The following RAD54L2 variants were observed in gnomAD, a reference collection of about 807,000 sequenced individuals.
The protein encoded by RAD54L2 is helicase ARIP4.
In RAD54L2, 27 loss-of-function variants were observed where a neutral mutation model predicts 138.4. The observed-to-expected ratio is 0.20, with a 90% CI of 0.14 to 0.27. The LOEUF is 0.27. Ranked by LOEUF, RAD54L2 falls within the 10% of genes least tolerant of loss-of-function variation. RAD54L2 has a pLI of 1.00. For synonymous variants in RAD54L2, 644 were observed against 723.2 expected (o/e 0.89, Z 1.76); for missense variants, 1,396 against 1,890.2 (o/e 0.74, Z 4.85).
At chr3:51,659,957 C>A in intron 21 of RAD54L2, 69 bp from the exon 22 acceptor site, 1 of 1,217,692 alleles carries the variant, frequency 8.2e-7, no homozygotes, top group Non-Finnish European at 1.2e-6. Context: ...CGGCGCACAG[C>A]CTGGAGTTTC....
intron 3 of RAD54L2, among the ~76,000 whole-genome samples, chr3:51,592,911 A>G (rs1042390208): frequency 1.3e-5 from 2 of 152,090 alleles, no homozygotes; most frequent in African/African-American, 2.4e-5. Flanking sequence ...CACTCTATGC[A>G]GTTTTCCTGA....
intron 3 of RAD54L2, among the ~76,000 whole-genome samples, chr3:51,626,436 C>CGTTTTTTTTTTTTTTT (rs1700686522): frequency 2.5e-5 from 1 of 39,392 alleles, no homozygotes; most frequent in African/African-American, 1.1e-4. Context: ...CCCCAACGAT[C>CGTTTTTTTTTTTTTTT]TTTTTTTTTT....
At chr3:51,581,849 G>T (rs1261542492) in intron 2 of RAD54L2, among the ~76,000 whole-genome samples, 3 of 152,082 alleles carry the variant, frequency 2.0e-5, no homozygotes, top group Non-Finnish European at 4.4e-5. Flanking sequence ...GCTGACTTAG[G>T]CTTAGGGAAG....
chr3:51,662,342 G>T lies in RAD54L2; in HGVS notation c.3410-84G>T. On this transcript the variant is annotated intron_variant, in intron 22 of 22. Transcript: ENST00000684192. The surrounding 1 kb of genome is among the most constrained non-coding windows in gnomAD (Gnocchi z 4.6). The stretch of plus-strand genomic sequence containing the variant: ...TAGAATTTTGGGGACTACAGGACAG[G>T]ATTTTTTTTAATGGAGTTTTCTCCT... The T allele has an allele frequency of 1.5e-6, 2 of 1,328,518 alleles. No individual in the cohort carries two copies. Among genetic ancestry groups the T allele is most frequent in the Non-Finnish European group, 2.0e-6 (2 of 988,406 alleles). The allele number at this position is 1,328,518 out of a possible 1,614,324, so 82.3% of individuals were successfully genotyped here.
intron 3 of RAD54L2, among the ~76,000 whole-genome samples, chr3:51,607,706 C>G (rs1700221775): frequency 6.6e-6 from 1 of 151,208 alleles, no homozygotes; most frequent in Non-Finnish European, 1.5e-5. Context: ...CCCCCACCTC[C>G]CAGACGGGGC....
chr3:51,593,495 G>T (rs1488820730), intron 3 of RAD54L2, among the ~76,000 whole-genome samples: 1 of 152,048 alleles, frequency 6.6e-6, no homozygotes, highest in Non-Finnish European at 1.5e-5. Context: ...ACCATGCGTG[G>T]CTAATTTTTT....
Position 51,645,871 on chromosome 3 carries a change from C to A in RAD54L2, c.2829+108C>A. 1 of 1,225,122 alleles carries A rather than the reference C, an allele frequency of 8.2e-7. No homozygotes were observed. The highest frequency in any genetic ancestry group is 1.1e-6 in the Non-Finnish European group (1 of 895,208). 75.9% of individuals were successfully genotyped at this position (1,225,122 alleles called of 1,614,324 possible). A position where few individuals can be genotyped will look rare whatever the true frequency, so the allele number is the denominator to read the frequency against. ...CTGAGGTGATGTTTCATGCAGGTGA[C>A]TTGGACTCAAGGACTTCTTTTTCTT... is the stretch of plus-strand genomic sequence containing the variant. On this transcript the variant is annotated intron_variant, in intron 18 of 22. Transcript: ENST00000684192. The surrounding 1 kb of genome is among the most constrained non-coding windows in gnomAD (Gnocchi z 6.1).
At chr3:51,656,823 A>G (rs1048698009) in intron 20 of RAD54L2, among the ~76,000 whole-genome samples, 7 of 151,080 alleles carry the variant, frequency 4.6e-5, no homozygotes, top group Non-Finnish European at 7.4e-5. Context: ...GGCTCGCTGC[A>G]CTCCTGGGCT....
At chr3:51,587,245 C>T (rs568290717) in intron 2 of RAD54L2, among the ~76,000 whole-genome samples, 11 of 152,036 alleles carry the variant, frequency 7.2e-5, no homozygotes, top group Admixed American at 3.9e-4. Context: ...GGACTACAGG[C>T]GCCCGCCACC....
In RAD54L2 at chr3:51,662,875, G is replaced by A. The variant is rs1470052172; in HGVS notation, c.3859G>A (p.Gly1287Arg). The change falls in exon 23 of 23, where the codon GGG becomes AGG. Residue 1287 changes from glycine to arginine, a missense_variant. This residue lies in a region of RAD54L2 where 634 missense variants were observed against 711.2 expected (regional missense o/e 0.89). Coordinates refer to ENST00000684192, the MANE Select transcript of RAD54L2 (RefSeq NM_015106.4). The surrounding 1 kb of genome is among the most constrained non-coding windows in gnomAD (Gnocchi z 4.6). ...AGCCCCCGTGCAGCCGTATGAACAC[G>A]GGTATCCAGTCTCTGGCGGGTTTGC... ...LPAPVQPYEHGYPVSGGFAMP... is the reference protein window; with the variant it reads ...LPAPVQPYEHRYPVSGGFAMP... The A allele has an allele frequency of 6.2e-7, 1 of 1,613,758 alleles. No individual in the cohort carries two copies. The highest frequency in any genetic ancestry group is 8.5e-7 in the Non-Finnish European group (1 of 1,179,860).
At chr3:51,625,311 G>A (rs549370074) in intron 3 of RAD54L2, among the ~76,000 whole-genome samples, 8 of 152,148 alleles carry the variant, frequency 5.3e-5, no homozygotes, top group African/African-American at 1.4e-4. Flanking sequence ...CCAGCTACTC[G>A]GGAGGCTGAG....
At chr3:51,547,987 G>A (rs9846343) in intron 2 of RAD54L2, among the ~76,000 whole-genome samples, 1,629 of 151,940 alleles carry the variant, frequency 0.011, 41 homozygotes, top group African/African-American at 0.036. Context: ...TGCCTCCTGC[G>A]TTCAAGCGAT....
At chr3:51,539,610 G>A (rs1423422429) in intron 1 of RAD54L2, among the ~76,000 whole-genome samples, 3 of 152,110 alleles carry the variant, frequency 2.0e-5, no homozygotes. Flanking sequence ...GGGTGAGGCC[G>A]GTGGGAGTTG....
intron 19 of RAD54L2, among the ~76,000 whole-genome samples, chr3:51,655,208 T>C (rs535247159): frequency 8.7e-6 from 1 of 114,572 alleles, no homozygotes; most frequent in Admixed American, 8.6e-5. Context: ...GTCTTAAGGG[T>C]TTTTTTTTTT....
chr3:51,557,601 G>A (rs549399971), intron 2 of RAD54L2, among the ~76,000 whole-genome samples: 123 of 151,792 alleles, frequency 8.1e-4, no homozygotes, highest in Non-Finnish European at 1.6e-3. Flanking sequence ...GGAGGCTGAG[G>A]TGGGTGGATC....
intron 2 of RAD54L2, among the ~76,000 whole-genome samples, chr3:51,576,231 C>T (rs1327933015): frequency 6.6e-6 from 1 of 152,164 alleles, no homozygotes; most frequent in Non-Finnish European, 1.5e-5. Flanking sequence ...TTTTGATGTG[C>T]TGCTGGATTC....
chr3:51,625,234 C>G (rs933418019), intron 3 of RAD54L2, among the ~76,000 whole-genome samples: 1 of 152,090 alleles, frequency 6.6e-6, no homozygotes, highest in Non-Finnish European at 1.5e-5. Context: ...CCCTGACCAA[C>G]GTGGAGAAAC....
rs879130852 is a variant in RAD54L2, at chr3:51,646,458, C to T, written c.3003C>T (p.Ile1001=). The T allele has an allele frequency of 6.2e-7, 1 of 1,610,022 alleles. No individual in the cohort carries two copies. ...CCAGCGATCAGAGCCTGACCAGCAT[C>T]CCCGCCTTCAGCCAGAGAAACTGGT... ...YPASDQSLTS[I]PAFSQRNWQP... Residue 1001 remains isoleucine (I), a synonymous_variant, in exon 19 of 23, where the codon ATC becomes ATT. Coordinates refer to ENST00000684192, the MANE Select transcript of RAD54L2 (RefSeq NM_015106.4).
At chr3:51,622,914 C>T (rs768062193) in intron 3 of RAD54L2, among the ~76,000 whole-genome samples, 11 of 152,154 alleles carry the variant, frequency 7.2e-5, no homozygotes, top group Non-Finnish European at 2.9e-5. Context: ...ATTTCAAACC[C>T]AGGTCTCGCT....
Sources: allele counts gnomAD v4.1 joint callset (sites outside exome capture counted in the v4.1 genomes callset), GRCh38; gene constraint gnomAD v4.1.1; regional missense constraint gnomAD v4.1.1; non-coding constraint Gnocchi (gnomAD v3.1); transcripts MANE v1.5; gene names NCBI Gene and HGNC (gene_info 2026-07-23, HGNC 2026-07-21).